Variants in NUP210L observed in about 807,000 individuals in gnomAD.
The protein encoded by NUP210L is nucleoporin 210 like, also known as nuclear pore membrane glycoprotein 210-like.
Under a neutral mutation model 208.5 loss-of-function variants are expected in NUP210L, and 74 were observed. The observed-to-expected ratio is 0.35, with a 90% CI of 0.29 to 0.43. The LOEUF is 0.43. NUP210L is among the 20% of genes least tolerant of loss of function. NUP210L has a pLI of 1.00. For synonymous variants in NUP210L, 780 were observed against 816.9 expected (o/e 0.95, Z 0.77); for missense variants, 1,843 against 2,289.4 (o/e 0.81, Z 3.98).
chr1:154,084,996 C>T (rs1214279166), intron 16 of NUP210L, among the ~76,000 whole-genome samples: 6 of 144,170 alleles, frequency 4.2e-5, no homozygotes, highest in African/African-American at 7.6e-5. Flanking sequence ...ATGATCCACC[C>T]AATTCGGCCT....
At chr1:154,029,832 G>A (rs902641185) in intron 28 of NUP210L, 64 bp downstream of exon 28, 15 of 1,302,190 alleles carry the variant, frequency 1.2e-5, no homozygotes, top group Non-Finnish European at 1.5e-5. Context: ...CTTTGTTGAT[G>A]GTAAGAGAAT....
exon 17 of NUP210L, chr1:154,070,300 C>T: frequency 1.9e-6 from 3 of 1,609,618 alleles, no homozygotes; most frequent in Non-Finnish European, 2.5e-6. Context: ...CCACTGCCAT[C>T]ATCTTTTGCT....
intron 17 of NUP210L, among the ~76,000 whole-genome samples, chr1:154,064,090 G>T (rs1408806295): frequency 1.3e-5 from 2 of 151,408 alleles, no homozygotes; most frequent in Non-Finnish European, 1.5e-5. Flanking sequence ...GTGGTGGGGG[G>T]TCTCACTATG....
chr1:154,133,104 T>C (rs577689240), intron 7 of NUP210L, among the ~76,000 whole-genome samples: 36 of 152,374 alleles, frequency 2.4e-4, no homozygotes, highest in Non-Finnish European at 4.3e-4. Context: ...CACTGCACTT[T>C]AGCTTCACTG....
intron 10 of NUP210L, among the ~76,000 whole-genome samples, chr1:154,125,250 G>C (rs912951222): frequency 4.6e-5 from 7 of 152,000 alleles, no homozygotes; most frequent in Admixed American, 4.6e-4. Context: ...AGGAGTTCAA[G>C]GCCAGCCTGG....
chr1:153,995,083 G>C (rs1322146858), exon 38 of NUP210L: 1 of 1,605,146 alleles, frequency 6.2e-7, no homozygotes, highest in South Asian at 1.1e-5. Context: ...TACCTAGGAA[G>C]ATGGAAGCTG....
intron 16 of NUP210L, among the ~76,000 whole-genome samples, chr1:154,084,703 G>A (rs1031279543): frequency 6.7e-6 from 1 of 149,958 alleles, no homozygotes. Flanking sequence ...CAACTCCTGG[G>A]CTCAAGTGAT....
intron 18 of NUP210L, among the ~76,000 whole-genome samples, chr1:154,061,352 T>C (rs763281878): frequency 1.1e-4 from 16 of 152,060 alleles, no homozygotes; most frequent in Admixed American, 3.3e-4. Flanking sequence ...CACTCCATCC[T>C]GGGTGACAGA....
chr1:154,024,770 G>C (rs984662718), intron 30 of NUP210L, among the ~76,000 whole-genome samples: 1 of 150,258 alleles, frequency 6.7e-6, no homozygotes, highest in East Asian at 2.0e-4. Context: ...GGCCTCAAGT[G>C]ATTCTCCTGC....
intron 27 of NUP210L, among the ~76,000 whole-genome samples, chr1:154,035,433 T>G (rs761793450): frequency 5.3e-5 from 8 of 151,764 alleles, no homozygotes; most frequent in Non-Finnish European, 1.2e-4. Context: ...GTTTCACTCT[T>G]GCTGCCCAGG....
At chr1:154,027,190 A>G (rs1651945008) in intron 29 of NUP210L, among the ~76,000 whole-genome samples, 2 of 152,212 alleles carry the variant, frequency 1.3e-5, no homozygotes, top group Non-Finnish European at 2.9e-5. Context: ...GTACACAGAA[A>G]GCAGATTAGT....
chr1:154,100,047 T>C, exon 14 of NUP210L: 1 of 1,614,002 alleles, frequency 6.2e-7, no homozygotes. Flanking sequence ...CAAGTACTTG[T>C]CACATTCATT....
rs112143671 is a variant in NUP210L at position 154,001,187 on chromosome 1, A to G, written c.5182-127T>C. ...TGGATTTCTAGCTAGCTAGCCGACA[A>G]TCAAATCATTTACTTTTTTGTTGTT... On this transcript the variant is annotated intron_variant, in intron 36 of 39. Transcript: ENST00000368559. 2.0e-4 allele frequency: 156 copies of G among 786,288 alleles called. 1 individual carries two copies. The highest frequency in any genetic ancestry group is 1.9e-3 in the African/African-American group (110 of 57,258). 48.7% of individuals were successfully genotyped at this position (786,288 alleles called of 1,614,324 possible).
At chr1:154,130,418 G>A (rs758498062) in intron 7 of NUP210L, among the ~76,000 whole-genome samples, 2 of 151,612 alleles carry the variant, frequency 1.3e-5, no homozygotes, top group Admixed American at 6.6e-5. Context: ...GACTATAGGC[G>A]CGCACCACCT....
chr1:154,051,124 C>T (rs1248554602), intron 25 of NUP210L, among the ~76,000 whole-genome samples: 1 of 152,194 alleles, frequency 6.6e-6, no homozygotes, highest in African/African-American at 2.4e-5. Context: ...CACATTAGGG[C>T]TCATGTAACT....
intron 27 of NUP210L, among the ~76,000 whole-genome samples, chr1:154,036,484 C>A (rs1045624979): frequency 3.3e-5 from 5 of 150,610 alleles, no homozygotes; most frequent in African/African-American, 1.2e-4. Context: ...CCTACCTCAG[C>A]CTCCTGAGTA....
chr1:154,050,714 T>C (rs1339635000), intron 25 of NUP210L, among the ~76,000 whole-genome samples: 10 of 152,224 alleles, frequency 6.6e-5, no homozygotes, highest in African/African-American at 2.4e-4. Context: ...ATTTTGTGGG[T>C]ATTCTCAATA....
In NUP210L at chr1:154,144,202, A is replaced by T. The variant is rs141842352; in HGVS notation, c.341-625T>A. Among the ~76,000 whole-genome samples the T allele has an allele frequency of 1.6e-3, 244 of 152,230 alleles. 3 individuals carry two copies. The highest frequency in any genetic ancestry group is 8.1e-3 in the South Asian group (39 of 4,816). ...TCTCAAAAATAAATAAATAAATAAA[A>T]AATAAAAAGTGAATAATAAAATAAA... On this transcript the variant is annotated intron_variant, in intron 2 of 39. Transcript: ENST00000368559.
exon 11 of NUP210L, chr1:154,118,791 A>G: frequency 1.3e-6 from 2 of 1,577,580 alleles, no homozygotes; most frequent in East Asian, 2.2e-5. Context: ...GAAATTTTAT[A>G]GGCTGAATAT....
Sources: gnomAD v4.1 joint callset for allele counts (sites outside exome capture counted in the v4.1 genomes callset) on GRCh38, gnomAD v4.1.1 for gene constraint, MANE v1.5 for transcripts, NCBI Gene and HGNC (gene_info 2026-07-23, HGNC 2026-07-21) for gene names.